The following CDH13 variants were observed in gnomAD, a reference collection of about 807,000 sequenced individuals.
CDH13 encodes cadherin 13.
Under a neutral mutation model 63.8 loss-of-function variants are expected in CDH13, and 24 were observed. The observed-to-expected ratio is 0.38, with a 90% CI of 0.27 to 0.53. CDH13 has a LOEUF of 0.53. Among genes scored for constraint, CDH13 ranks in the 20% least tolerant of loss-of-function variants. The probability of loss-of-function intolerance (pLI) is 0.85; values close to 1 mark genes in which losing one functional copy is unlikely to be tolerated. For missense variants in CDH13, 1,049 were observed against 903.1 expected (o/e 1.16, Z -2.07); for synonymous variants, 503 against 355.3 (o/e 1.42, Z -4.67).
Position 82,965,990 on chromosome 16 carries a change from C to T in CDH13, c.158-66020C>T, listed in dbSNP as rs570799822. On this transcript the variant is annotated intron_variant, in intron 2 of 13. Coordinates refer to ENST00000567109, the MANE Select transcript of CDH13 (RefSeq NM_001257.5). ...CAGGGCATGAAAATATCCCTGTCAG[C>T]CAATCAGTCAACGAGTTGACCAAGC... 2.3e-3 allele frequency among the ~76,000 whole-genome samples: 348 copies of T among 152,274 alleles called. 3 individuals are homozygous for T. The highest frequency in any genetic ancestry group is 0.017 in the Middle Eastern group (5 of 292).
intron 11 of CDH13, among the ~76,000 whole-genome samples, chr16:83,753,660 T>G (rs980673402): frequency 6.6e-6 from 1 of 152,166 alleles, no homozygotes; most frequent in Non-Finnish European, 1.5e-5. Context: ...ATAAGGATTT[T>G]TGGCATATAA....
intron 4 of CDH13, among the ~76,000 whole-genome samples, chr16:83,196,767 A>C (rs1224065933): frequency 6.6e-6 from 1 of 152,196 alleles, no homozygotes; most frequent in Non-Finnish European, 1.5e-5. Context: ...AGAACAGTTA[A>C]TTTATTTTTA....
chr16:82,898,302 A>T (rs1249367564), intron 2 of CDH13, among the ~76,000 whole-genome samples: 1 of 152,156 alleles, frequency 6.6e-6, no homozygotes, highest in Admixed American at 6.5e-5. Flanking sequence ...AGGTGGGTGG[A>T]TCACCCGAGA....
At chr16:82,731,012 G>T (rs1455956175) in intron 1 of CDH13, among the ~76,000 whole-genome samples, 2 of 152,158 alleles carry the variant, frequency 1.3e-5, no homozygotes, top group Non-Finnish European at 2.9e-5. Flanking sequence ...TATTATTTAT[G>T]TATGGTGAAA....
chr16:83,773,504 C>T (rs1393048909), intron 11 of CDH13, among the ~76,000 whole-genome samples: 1 of 152,136 alleles, frequency 6.6e-6, no homozygotes, highest in African/African-American at 2.4e-5. Context: ...ACTTATAAAA[C>T]CATCCGATCT....
chr16:83,648,544 G>T (rs959833076), intron 8 of CDH13, among the ~76,000 whole-genome samples: 2 of 152,122 alleles, frequency 1.3e-5, no homozygotes, highest in Non-Finnish European at 2.9e-5. Context: ...CAGCTGCCCA[G>T]AGTGGTCAGT....
At chr16:83,274,595 C>A (rs2088925822) in intron 5 of CDH13, among the ~76,000 whole-genome samples, 1 of 152,256 alleles carries the variant, frequency 6.6e-6, no homozygotes, top group Non-Finnish European at 1.5e-5. Flanking sequence ...CCCAGAGAAA[C>A]CCCCACATGC....
intron 5 of CDH13, among the ~76,000 whole-genome samples, chr16:83,226,371 C>T (rs2039839009): frequency 6.6e-6 from 1 of 152,168 alleles, no homozygotes; most frequent in Non-Finnish European, 1.5e-5. Context: ...GCTATGGAAA[C>T]ATATTTTTCT....
chr16:82,748,170 G>A (rs2034260638), intron 1 of CDH13, among the ~76,000 whole-genome samples: 3 of 152,168 alleles, frequency 2.0e-5, no homozygotes, highest in Non-Finnish European at 4.4e-5. Flanking sequence ...TGGGGACTCT[G>A]CCAAAGCCCT....
intron 5 of CDH13, among the ~76,000 whole-genome samples, chr16:83,241,301 C>T (rs1021410168): frequency 6.6e-6 from 1 of 152,208 alleles, no homozygotes; most frequent in African/African-American, 2.4e-5. Context: ...ACTGGGTATG[C>T]AAGTATCTCT....
At chr16:82,923,449 G>A (rs1483553700) in intron 2 of CDH13, among the ~76,000 whole-genome samples, 1 of 152,222 alleles carries the variant, frequency 6.6e-6, no homozygotes, top group African/African-American at 2.4e-5. Flanking sequence ...TTAAGCTGAA[G>A]TTTGAAGAGT....
intron 2 of CDH13, among the ~76,000 whole-genome samples, chr16:82,863,422 A>G (rs1026836706): frequency 6.6e-6 from 1 of 152,226 alleles, no homozygotes. Flanking sequence ...AATTGGTTAC[A>G]ATACTGTGGT....
chr16:83,469,152 G>T (rs1286054065), intron 6 of CDH13, among the ~76,000 whole-genome samples: 3 of 152,228 alleles, frequency 2.0e-5, no homozygotes, highest in Admixed American at 1.3e-4. Context: ...GGCCGTGGAA[G>T]ATAGCAGTTC....
At chr16:82,688,264 G>A (rs1915286186) in intron 1 of CDH13, among the ~76,000 whole-genome samples, 1 of 152,142 alleles carries the variant, frequency 6.6e-6, no homozygotes, top group Non-Finnish European at 1.5e-5. Context: ...GGCTCCATGT[G>A]TATCTGGGAA....
At chr16:82,834,765 T>G (rs2038695438) in intron 1 of CDH13, among the ~76,000 whole-genome samples, 1 of 152,196 alleles carries the variant, frequency 6.6e-6, no homozygotes, top group Non-Finnish European at 1.5e-5. Flanking sequence ...AATATTATGC[T>G]CTGGAAAGGG....
chr16:82,981,521 A>C (rs1169901320), intron 2 of CDH13, among the ~76,000 whole-genome samples: 1 of 152,088 alleles, frequency 6.6e-6, no homozygotes, highest in African/African-American at 2.4e-5. Context: ...TTTCCTTGTT[A>C]GGGCTTAACC....
rs575099416 is a variant in CDH13, at chr16:83,368,262, T to C, written c.781+23256T>C. On this transcript the variant is annotated intron_variant, in intron 6 of 13. Coordinates refer to ENST00000567109, the MANE Select transcript of CDH13 (RefSeq NM_001257.5). ...TCTGTTTGTTATACACTCATAATTA[T>C]ACAAGTACATGTGCACAAGTCAAAT... is the stretch of plus-strand genomic sequence containing the variant. Among the ~76,000 whole-genome samples, 4 of 152,346 alleles carry C rather than the reference T, an allele frequency of 2.6e-5. No homozygotes were observed. The South Asian group carries it at 6.2e-4, about 24-fold the overall frequency.
Position 83,616,890 on chromosome 16 carries a change from G to A in CDH13, c.1101+14296G>A, listed in dbSNP as rs75443413. Among the ~76,000 whole-genome samples the A allele has an allele frequency of 7.1e-3, 1,079 of 152,224 alleles. 12 individuals are homozygous for A. The highest frequency in any genetic ancestry group is 0.024 in the African/African-American group (1,011 of 41,548). On this transcript the variant is annotated intron_variant, in intron 8 of 13. Coordinates refer to ENST00000567109, the MANE Select transcript of CDH13 (RefSeq NM_001257.5). ...ACACGGGAGCTCTGTTTACCCCTAC[G>A]TGCCAAGCTTTGGCATGTCTTTGTG...
intron 5 of CDH13, among the ~76,000 whole-genome samples, chr16:83,221,707 G>A (rs953999365): frequency 1.3e-4 from 20 of 152,144 alleles, no homozygotes; most frequent in Middle Eastern, 3.4e-3. Context: ...GGGCAAAACA[G>A]GAAGCATGGC....
Sources: gnomAD v4.1 joint callset for allele counts (sites outside exome capture counted in the v4.1 genomes callset) on GRCh38, gnomAD v4.1.1 for gene constraint, MANE v1.5 for transcripts, NCBI Gene and HGNC (gene_info 2026-07-23, HGNC 2026-07-21) for gene names.